The following CNBD1 variants were observed in gnomAD, a reference collection of about 807,000 sequenced individuals.
The protein encoded by CNBD1 is cyclic nucleotide binding domain containing 1.
In CNBD1, 71 loss-of-function variants were observed where a neutral mutation model predicts 54.4. The ratio of observed to expected loss-of-function variants is 1.30; its 90% CI spans 1.08 to 1.59. CNBD1 has a LOEUF of 1.59. Among genes scored for constraint, CNBD1 ranks in the 40% most tolerant of loss-of-function variants. The pLI is 0.00. For missense variants in CNBD1, 659 were observed against 518.0 expected (o/e 1.27, Z -2.64); for synonymous variants, 182 against 170.7 (o/e 1.07, Z -0.51).
intron 1 of CNBD1, among the ~76,000 whole-genome samples, chr8:86,871,945 C>T (rs1348335743): frequency 1.3e-5 from 2 of 152,212 alleles, no homozygotes; most frequent in Non-Finnish European, 2.9e-5. Flanking sequence ...TTCCAAGTTT[C>T]CTGTAAGAAA....
At chr8:86,976,265 C>T (rs1452077434) in intron 4 of CNBD1, among the ~76,000 whole-genome samples, 8 of 102,416 alleles carry the variant, frequency 7.8e-5, no homozygotes, top group African/African-American at 1.1e-4. Flanking sequence ...TTGCTTTTGT[C>T]GTCTAGACTT....
chr8:87,352,829 A>C (rs1485962853), intron 9 of CNBD1, among the ~76,000 whole-genome samples: 1 of 152,234 alleles, frequency 6.6e-6, no homozygotes, highest in Non-Finnish European at 1.5e-5. Context: ...ATTCTGCTGC[A>C]CTAATCATAT....
intron 2 of CNBD1, among the ~76,000 whole-genome samples, chr8:87,400,345 A>T (rs1275832001): frequency 6.6e-6 from 1 of 151,974 alleles, no homozygotes. Context: ...GGATTGCTGG[A>T]ATTGATACAC....
chr8:87,375,267 C>T (rs1329561792), intron 10 of CNBD1, among the ~76,000 whole-genome samples: 1 of 151,814 alleles, frequency 6.6e-6, no homozygotes. Context: ...AGTTTAGTTA[C>T]AAATTTCCAG....
intron 4 of CNBD1, among the ~76,000 whole-genome samples, chr8:87,004,242 T>C (rs1486224056): frequency 6.6e-6 from 1 of 152,094 alleles, no homozygotes; most frequent in Non-Finnish European, 1.5e-5. Context: ...TCAGGAAGCT[T>C]TCATTCATGG....
chr8:87,301,808 C>T (rs1483819891), intron 8 of CNBD1, among the ~76,000 whole-genome samples: 1 of 152,110 alleles, frequency 6.6e-6, no homozygotes, highest in Non-Finnish European at 1.5e-5. Context: ...AAGGGGATAT[C>T]ACCACCAATC....
chr8:86,927,958 A>T (rs1030788643), intron 3 of CNBD1, among the ~76,000 whole-genome samples: 1 of 152,010 alleles, frequency 6.6e-6, no homozygotes, highest in African/African-American at 2.4e-5. Context: ...GGGTGTCCAA[A>T]GTTTAACTCG....
chr8:86,976,990 C>T (rs111556515), intron 4 of CNBD1, among the ~76,000 whole-genome samples: 1,898 of 151,938 alleles, frequency 0.012, 29 homozygotes, highest in African/African-American at 0.036. Context: ...TTACTTTTTC[C>T]TTTCCTATTT....
intron 2 of CNBD1, among the ~76,000 whole-genome samples, chr8:87,397,162 A>G (rs1391974326): frequency 6.6e-6 from 1 of 151,606 alleles, no homozygotes; most frequent in East Asian, 1.9e-4. Context: ...TATTTTGCAT[A>G]TATTTTGGGT....
Position 87,182,272 on chromosome 8 carries a change from A to G in CNBD1, c.432-23721A>G, listed in dbSNP as rs894340742. Among the ~76,000 whole-genome samples, 1 of 152,130 alleles carries G rather than the reference A, an allele frequency of 6.6e-6. No individual in the cohort carries two copies. Among genetic ancestry groups the G allele is most frequent in the African/African-American group, 2.4e-5 (1 of 41,422 alleles). ...TAGTATTCCATGGTGTATATATACC[A>G]TATTTTCTTTATCCAGTTTACCATT... On this transcript the variant is annotated intron_variant, in intron 4 of 10. Transcript: ENST00000518476. This position sits in a 1 kb window ranked among gnomAD's most constrained non-coding sequence, Gnocchi z 4.1.
intron 10 of CNBD1, among the ~76,000 whole-genome samples, chr8:87,370,068 T>A (rs1187023902): frequency 1.3e-5 from 2 of 152,050 alleles, no homozygotes; most frequent in Non-Finnish European, 2.9e-5. Flanking sequence ...CATCATTTTT[T>A]ATGGCTGCAT....
rs575087504 is a variant in CNBD1, at chr8:86,930,031, A to G, written c.273-9565A>G. On this transcript the variant is annotated intron_variant, in intron 3 of 10. Coordinates refer to ENST00000518476, the MANE Select transcript of CNBD1 (RefSeq NM_173538.3). ...ACTAGGGCCTACTTTAAGGTTTTGA[A>G]GGCTGTTTCCATCTCTGGTTCCCAT... Among the ~76,000 whole-genome samples the G allele has an allele frequency of 2.0e-5, 3 of 152,220 alleles. No homozygotes were observed. In the East Asian group the frequency reaches 5.8e-4, roughly 30 times the overall value.
intron 5 of CNBD1, among the ~76,000 whole-genome samples, chr8:87,222,407 T>A (rs1467811967): frequency 6.6e-6 from 1 of 152,170 alleles, no homozygotes; most frequent in Non-Finnish European, 1.5e-5. Context: ...TACAGTCTAC[T>A]GGCAGAGACT....
At chr8:87,421,567 T>C (rs1297334300) in intron 2 of CNBD1, among the ~76,000 whole-genome samples, 5 of 151,952 alleles carry the variant, frequency 3.3e-5, no homozygotes, top group Non-Finnish European at 2.9e-5. Context: ...AGAATGATGA[T>C]TTCCGATTTC....
chr8:86,896,569 A>G (rs1434108671), intron 2 of CNBD1, among the ~76,000 whole-genome samples: 2 of 152,146 alleles, frequency 1.3e-5, no homozygotes, highest in Non-Finnish European at 2.9e-5. Flanking sequence ...ACTATCATAA[A>G]GGGGATTGCT....
At chr8:86,879,388 A>G (rs1350876782) in intron 1 of CNBD1, among the ~76,000 whole-genome samples, 1 of 152,236 alleles carries the variant, frequency 6.6e-6, no homozygotes, top group East Asian at 1.9e-4. Flanking sequence ...TGGTGCTGTA[A>G]GAGCACAATG....
At chr8:86,979,878 CA>C (rs1808435308) in intron 4 of CNBD1, among the ~76,000 whole-genome samples, 2 of 152,138 alleles carry the variant, frequency 1.3e-5, no homozygotes, top group Non-Finnish European at 2.9e-5. Context: ...AATATGATAA[CA>C]TCGTAGATCC....
At chr8:87,144,864 A>C (rs1199035670) in intron 4 of CNBD1, among the ~76,000 whole-genome samples, 1 of 151,806 alleles carries the variant, frequency 6.6e-6, no homozygotes, top group Non-Finnish European at 1.5e-5. Flanking sequence ...AGATAGATAA[A>C]GTTTAGTAGA....
At chr8:87,096,672 G>C (rs972345259) in intron 4 of CNBD1, among the ~76,000 whole-genome samples, 1 of 152,130 alleles carries the variant, frequency 6.6e-6, no homozygotes, top group Admixed American at 6.5e-5. Flanking sequence ...CAAAATGCGT[G>C]TTCCATCCAG....
Sources: allele counts gnomAD v4.1 joint callset (sites outside exome capture counted in the v4.1 genomes callset), GRCh38; gene constraint gnomAD v4.1.1; non-coding constraint Gnocchi (gnomAD v3.1); transcripts MANE v1.5; gene names NCBI Gene and HGNC (gene_info 2026-07-23, HGNC 2026-07-21).